The following POU2F1 variants were observed in gnomAD, a reference collection of about 807,000 sequenced individuals.
POU2F1 encodes POU class 2 homeobox 1, also known as POU domain, class 2, transcription factor 1.
A neutral mutation model predicts 84.9 loss-of-function variants in POU2F1; 16 were observed. The observed-to-expected ratio is 0.19, with a 90% CI of 0.13 to 0.29. The LOEUF is 0.29. Ranked by LOEUF, POU2F1 falls within the 10% of genes least tolerant of loss-of-function variation. The pLI is 1.00. For synonymous variants in POU2F1, 368 were observed against 368.3 expected, an observed-to-expected ratio of 1.00 and a Z score of 0.01; for missense variants, 738 against 942.6, an observed-to-expected ratio of 0.78 and a Z score of 2.84.
intron 13 of POU2F1, among the ~76,000 whole-genome samples, chr1:167,403,124 T>C (rs1392368434): frequency 6.6e-6 from 1 of 150,576 alleles, no homozygotes; most frequent in Non-Finnish European, 1.5e-5. Context: ...GTGGATCTAT[T>C]TGTGATTTTT....
At chr1:167,242,513 T>C (rs745617189) in intron 1 of POU2F1, among the ~76,000 whole-genome samples, 11 of 152,332 alleles carry the variant, frequency 7.2e-5, no homozygotes, top group Middle Eastern at 3.4e-3. Flanking sequence ...ATTGAAGCAC[T>C]AAGTGTTTGA....
At chr1:167,254,752 A>G (rs1049443395) in intron 1 of POU2F1, among the ~76,000 whole-genome samples, 4 of 152,232 alleles carry the variant, frequency 2.6e-5, no homozygotes, top group Non-Finnish European at 5.9e-5. Context: ...TCGTTTCTCT[A>G]TCCCTCTACC....
At chr1:167,370,645 C>A (rs577279942) in intron 4 of POU2F1, among the ~76,000 whole-genome samples, 1 of 152,178 alleles carries the variant, frequency 6.6e-6, no homozygotes. Flanking sequence ...TTTGCATTCT[C>A]ATTCTGCCAC....
At position 167,417,017 on chromosome 1, in the gene POU2F1, T is replaced by TA. The variant is rs1440109988; in HGVS notation, c.*1208dup. On this transcript the variant is annotated 3_prime_UTR_variant, in exon 16 of 16. Transcript: ENST00000367866. ...ACTTGGCAAAGAAAAAAAACTGACT[T>TA]ACTGAAATTGGGAAACTTTTCCCTT... 6.6e-6 allele frequency: 1 copy of TA among 152,240 alleles called. No individual in the cohort carries two copies. Among genetic ancestry groups the TA allele is most frequent in the Non-Finnish European group, 1.5e-5 (1 of 68,042 alleles). 9.4% of individuals were successfully genotyped at this position (152,240 alleles called of 1,614,324 possible).
chr1:167,269,913 C>CAA (rs34112150), intron 1 of POU2F1, among the ~76,000 whole-genome samples: 21,488 of 129,658 alleles, frequency 0.17, 1,876 homozygotes, highest in Non-Finnish European at 0.21. Flanking sequence ...GTCTCTGTCT[C>CAA]AAAAAAAAAA....
chr1:167,280,797 G>A (rs1017969287), intron 1 of POU2F1, among the ~76,000 whole-genome samples: 8 of 152,162 alleles, frequency 5.3e-5, no homozygotes, highest in African/African-American at 1.9e-4. Context: ...AATTATAATT[G>A]TGCTAAAGTA....
At chr1:167,306,325 A>T (rs931351859) in intron 1 of POU2F1, among the ~76,000 whole-genome samples, 3 of 152,248 alleles carry the variant, frequency 2.0e-5, no homozygotes, top group Admixed American at 2.0e-4. Context: ...TTAAGACTCT[A>T]TTCCTGTGTA....
intron 1 of POU2F1, among the ~76,000 whole-genome samples, chr1:167,280,982 A>G (rs1653093555): frequency 6.6e-6 from 1 of 152,196 alleles, no homozygotes; most frequent in African/African-American, 2.4e-5. Context: ...TCATTCATAT[A>G]AATAGTGTCA....
At chr1:167,221,969 A>C (rs1648243193) in intron 1 of POU2F1, among the ~76,000 whole-genome samples, 1 of 151,772 alleles carries the variant, frequency 6.6e-6, no homozygotes, top group Non-Finnish European at 1.5e-5. Flanking sequence ...GTTGGGCTGG[A>C]GGTGCCTGGC....
At chr1:167,241,223 C>G (rs1476957011) in intron 1 of POU2F1, among the ~76,000 whole-genome samples, 1 of 152,168 alleles carries the variant, frequency 6.6e-6, no homozygotes, top group Non-Finnish European at 1.5e-5. Flanking sequence ...TTACACATCT[C>G]CCTTTGATTT....
chr1:167,329,064 A>C, intron 1 of POU2F1: 1 of 1,198,176 alleles, frequency 8.3e-7, no homozygotes, highest in Non-Finnish European at 1.0e-6. Flanking sequence ...GAGCAACTGA[A>C]GTTTCCTTAT....
intron 1 of POU2F1, among the ~76,000 whole-genome samples, chr1:167,227,458 T>C (rs973234262): frequency 6.6e-6 from 1 of 152,198 alleles, no homozygotes; most frequent in Admixed American, 6.5e-5. Flanking sequence ...CTTAAACATA[T>C]GATTACCTTA....
chr1:167,355,614 A>G (rs112023083), intron 2 of POU2F1, among the ~76,000 whole-genome samples: 1 of 152,242 alleles, frequency 6.6e-6, no homozygotes, highest in Admixed American at 6.5e-5. Flanking sequence ...GGGAGAACTG[A>G]CATTTTTACA....
intron 1 of POU2F1, among the ~76,000 whole-genome samples, chr1:167,316,437 G>A (rs1183230567): frequency 6.6e-6 from 1 of 152,218 alleles, no homozygotes; most frequent in Non-Finnish European, 1.5e-5. Flanking sequence ...GGGAAGACCT[G>A]AGGCCATAGC....
rs1393978273 is a variant in POU2F1, at chr1:167,227,358, CT to C, written c.61+6401del. On this transcript the variant is annotated intron_variant, in intron 1 of 15. Transcript: ENST00000367866. ...TAATTATTATGGCAGGTTTCCCCCC[CT>C]CTGTTGAACTTTCTCTTTGCAATAG... Among the ~76,000 whole-genome samples, 3 of 152,218 alleles carry C rather than the reference CT, an allele frequency of 2.0e-5. No individual in the cohort carries two copies. The East Asian group carries it at 5.8e-4, about 29-fold the overall frequency.
chr1:167,274,587 G>T (rs1042928344), intron 1 of POU2F1, among the ~76,000 whole-genome samples: 5 of 151,786 alleles, frequency 3.3e-5, no homozygotes, highest in African/African-American at 1.2e-4. Context: ...TATGTATTGG[G>T]TCTATATTTT....
intron 11 of POU2F1, 34 bp downstream of exon 11, chr1:167,398,167 TTGTC>T: frequency 6.2e-7 from 1 of 1,609,106 alleles, no homozygotes; most frequent in Middle Eastern, 1.7e-4. Flanking sequence ...GTACATGGGA[TTGTC>T]TGTGTAGTAC....
At chr1:167,224,746 G>A (rs1188643667) in intron 1 of POU2F1, among the ~76,000 whole-genome samples, 4 of 150,614 alleles carry the variant, frequency 2.7e-5, no homozygotes, top group Non-Finnish European at 5.9e-5. Context: ...ACCCACATGA[G>A]TTTATAACCT....
chr1:167,322,763 T>C (rs532940737), intron 1 of POU2F1, among the ~76,000 whole-genome samples: 2 of 152,352 alleles, frequency 1.3e-5, no homozygotes, highest in African/African-American at 4.8e-5. Flanking sequence ...TTATTGACAG[T>C]AAGCCAGTCA....
Sources: allele counts gnomAD v4.1 joint callset (sites outside exome capture counted in the v4.1 genomes callset), GRCh38; gene constraint gnomAD v4.1.1; transcripts MANE v1.5; gene names NCBI Gene and HGNC (gene_info 2026-07-23, HGNC 2026-07-21).